SLC12A1: variants seen among roughly 807,000 people sequenced by gnomAD.
SLC12A1 encodes the protein Na-K-2Cl cotransporter.
SLC12A1 carries 89 observed loss-of-function variants against 130.4 expected under a neutral mutation model. That is an observed-to-expected ratio of 0.68 (90% CI 0.58 to 0.81). The LOEUF is 0.81. Ranked by LOEUF, SLC12A1 falls within the 40% of genes least tolerant of loss-of-function variation. The pLI, the probability that SLC12A1 is intolerant of heterozygous loss-of-function variation, is 0.00. For synonymous variants in SLC12A1, 499 were observed against 460.0 expected, an observed-to-expected ratio of 1.08 and a Z score of -1.09; for missense variants, 1,310 against 1,336.4, an observed-to-expected ratio of 0.98 and a Z score of 0.31.
intron 20 of SLC12A1, among the ~76,000 whole-genome samples, chr15:48,284,712 T>A (rs917034860): frequency 6.6e-6 from 1 of 152,218 alleles, no homozygotes; most frequent in Non-Finnish European, 1.5e-5. Context: ...TGATCATGGC[T>A]CACTGCAGCC....
chr15:48,277,751 A>G (rs895506015), intron 20 of SLC12A1, among the ~76,000 whole-genome samples: 3 of 152,194 alleles, frequency 2.0e-5, no homozygotes, highest in African/African-American at 4.8e-5. Flanking sequence ...TTGCTGGTTC[A>G]TTATTGTCTA....
chr15:48,294,825 T>G (rs1250822405), intron 24 of SLC12A1, among the ~76,000 whole-genome samples: 4 of 152,218 alleles, frequency 2.6e-5, no homozygotes, highest in Non-Finnish European at 5.9e-5. Context: ...AGTCACTGTG[T>G]CTTCTACTGA....
At chr15:48,251,568 T>C in intron 14 of SLC12A1, 47 bp from the exon 15 acceptor site, 1 of 1,489,600 alleles carries the variant, frequency 6.7e-7, no homozygotes, top group South Asian at 1.1e-5. Context: ...TTCAGTGCCA[T>C]GATCATAGTA....
Position 48,251,750 on chromosome 15 carries a change from A to G in SLC12A1, c.1922A>G (p.Tyr641Cys), listed in dbSNP as rs2041651459. The G allele has an allele frequency of 3.1e-6, 5 of 1,613,912 alleles. No individual in the cohort carries two copies. In the South Asian group the frequency reaches 3.3e-5, roughly 11 times the overall value. Residue 641 changes from tyrosine (Y) to cysteine (C), a missense_variant, in exon 15 of 27, where the codon TAT becomes TGT. Physicochemically the swap from Tyr to Cys is radical, Grantham distance 194 (BLOSUM62 -2). Transcript: ENST00000380993. The part of the protein sequence containing the change: ...TYVIEFFLYV[Y>C]VTCKKPDVNW... ...GTCATTGAATTCTTCCTTTACGTCT[A>G]TGTGACTTGTAAGAAGCCAGGTAAG...
In SLC12A1 at chr15:48,291,818, G is replaced by A. The variant is rs1465281223; in HGVS notation, c.2914G>A (p.Asp972Asn). The A allele has an allele frequency of 6.4e-7, 1 of 1,572,040 alleles. No individual in the cohort carries two copies. The highest frequency in any genetic ancestry group is 8.6e-7 in the Non-Finnish European group (1 of 1,157,154). ...GAGCAAATTTAGGATAAAATTTGCA[G>A]ACATCCATATCATCGGTGACATCAA... ...LLSKFRIKFA[D>N]IHIIGDINIR... The change falls in exon 24 of 27, where the codon GAC (aspartate) becomes AAC (asparagine). Residue 972 changes from aspartate (D) to asparagine (N), a missense_variant. By Grantham distance (23) the Asp-to-Asn change is conservative. Coordinates refer to ENST00000380993, the MANE Select transcript of SLC12A1 (RefSeq NM_000338.3).
intron 20 of SLC12A1, among the ~76,000 whole-genome samples, chr15:48,278,260 A>G (rs1214110169): frequency 6.6e-6 from 1 of 152,236 alleles, no homozygotes; most frequent in Non-Finnish European, 1.5e-5. Flanking sequence ...AACAAAAAAT[A>G]TTTGAGCACT....
intron 9 of SLC12A1, chr15:48,236,994 G>A: frequency 1.4e-6 from 1 of 702,592 alleles, no homozygotes; most frequent in South Asian, 1.5e-5. Context: ...CAGGCACTGA[G>A]GAAACAAGGA....
chr15:48,259,912 A>G (rs1191595368), intron 17 of SLC12A1, among the ~76,000 whole-genome samples: 1 of 152,228 alleles, frequency 6.6e-6, no homozygotes, highest in East Asian at 1.9e-4. Context: ...AACTGGTGCT[A>G]GTAATTTAAT....
Position 48,241,465 on chromosome 15 carries a change from G to C in SLC12A1, c.1216-50G>C, listed in dbSNP as rs1335332449. On this transcript the variant is annotated intron_variant, in intron 9 of 26. Transcript: ENST00000380993. Reference sequence around the variant, plus strand: ...ATGAAAATAACTCCAAGTGATCTATGGTTCTTATTCTGCTCTGTATTCTTC... The same window carrying C: ...ATGAAAATAACTCCAAGTGATCTATCGTTCTTATTCTGCTCTGTATTCTTC... 3 of 1,357,240 alleles carry C rather than the reference G, an allele frequency of 2.2e-6. No individual in the cohort carries two copies. The South Asian group carries it at 3.5e-5, about 16-fold the overall frequency. 84.1% of individuals were successfully genotyped at this position (1,357,240 alleles called of 1,614,324 possible). A position where few individuals can be genotyped will look rare whatever the true frequency, so the allele number is the denominator to read the frequency against.
At position 48,258,189 on chromosome 15, in the gene SLC12A1, G is replaced by A. The variant is rs932662269; in HGVS notation, c.2043-1011G>A. ...ATCCCGGCTAAAACGGTGAAACCCCGTCTCTACTAAAAATACAAAAAATTA... is the reference window on the plus strand; with the variant it reads ...ATCCCGGCTAAAACGGTGAAACCCCATCTCTACTAAAAATACAAAAAATTA... On this transcript the variant is annotated intron_variant, in intron 16 of 26. Coordinates refer to ENST00000380993, the MANE Select transcript of SLC12A1 (RefSeq NM_000338.3). Among the ~76,000 whole-genome samples the A allele has an allele frequency of 3.9e-4, 35 of 88,754 alleles. 7 individuals carry two copies. The highest frequency in any genetic ancestry group is 2.5e-3 in the Admixed American group (24 of 9,512). 58.2% of individuals were successfully genotyped at this position (88,754 alleles called of 152,430 possible). A position where few individuals can be genotyped will look rare whatever the true frequency, so the allele number is the denominator to read the frequency against.
In SLC12A1 at chr15:48,291,666, C is replaced by T. The variant is rs961119970; in HGVS notation, c.2874-112C>T. The T allele has an allele frequency of 5.7e-6, 4 of 707,804 alleles. No homozygotes were observed. In the Admixed American group the frequency reaches 9.8e-5, roughly 17 times the overall value. The allele number at this position is 707,804 out of a possible 1,614,324, so 43.8% of individuals were successfully genotyped here. On this transcript the variant is annotated intron_variant, in intron 23 of 26. Coordinates refer to ENST00000380993, the MANE Select transcript of SLC12A1 (RefSeq NM_000338.3). ...CAACCAAAAAGCCTCTGTCTGAAAGCTAAGCTGAAATAAGACGTGATTGCT... is the reference window on the plus strand; with the variant it reads ...CAACCAAAAAGCCTCTGTCTGAAAGTTAAGCTGAAATAAGACGTGATTGCT...
chr15:48,272,163 G>T (rs959680238), intron 19 of SLC12A1, among the ~76,000 whole-genome samples: 1 of 152,082 alleles, frequency 6.6e-6, no homozygotes, highest in African/African-American at 2.4e-5. Context: ...CAATATTAGG[G>T]TGACCCAGAT....
chr15:48,223,549 T>C (rs2041243166), intron 4 of SLC12A1: 1 of 152,214 alleles, frequency 6.6e-6, no homozygotes, highest in South Asian at 2.1e-4. Flanking sequence ...TTAAGAATTG[T>C]TGAAAAAACT....
At chr15:48,208,179 A>G (rs2041005445) in intron 2 of SLC12A1, 40 bp downstream of exon 2, 31 of 1,511,360 alleles carry the variant, frequency 2.1e-5, no homozygotes, top group Non-Finnish European at 2.8e-5. Flanking sequence ...TCCCTTATTC[A>G]TAACTTCAGA....
At chr15:48,298,215 A>T (rs948862555) in intron 24 of SLC12A1, among the ~76,000 whole-genome samples, 1 of 152,242 alleles carries the variant, frequency 6.6e-6, no homozygotes, top group African/African-American at 2.4e-5. Context: ...TTACTAAATT[A>T]TAACTAAGCT....
intron 5 of SLC12A1, chr15:48,228,180 G>T (rs1343741082): frequency 6.6e-6 from 1 of 152,064 alleles, no homozygotes; most frequent in African/African-American, 2.4e-5. Flanking sequence ...CTAACATCTA[G>T]TGCTTTTCAC....
intron 15 of SLC12A1, among the ~76,000 whole-genome samples, chr15:48,253,392 T>C (rs760239493): frequency 6.6e-6 from 1 of 152,246 alleles, no homozygotes; most frequent in Admixed American, 6.5e-5. Flanking sequence ...TGACGTCTGA[T>C]CCTGTAGCTT....
At chr15:48,221,142 T>A (rs77846911) in intron 4 of SLC12A1, 146 bp downstream of exon 4, 2 of 819,654 alleles carry the variant, frequency 2.4e-6, no homozygotes, top group East Asian at 5.3e-5. Flanking sequence ...TCTTTGACGA[T>A]GTTTGTCAGA....
intron 17 of SLC12A1, among the ~76,000 whole-genome samples, chr15:48,265,867 C>T (rs1336340227): frequency 1.3e-5 from 2 of 151,546 alleles, no homozygotes; most frequent in Non-Finnish European, 1.5e-5. Context: ...TTCTAGTAGC[C>T]AATTAAAAAG....
Sources: allele counts gnomAD v4.1 joint callset (sites outside exome capture counted in the v4.1 genomes callset), GRCh38; gene constraint gnomAD v4.1.1; transcripts MANE v1.5; gene names NCBI Gene and HGNC (gene_info 2026-07-23, HGNC 2026-07-21).